Variants in PSMD9 observed in about 807,000 individuals in gnomAD.
The protein encoded by PSMD9 is proteasome 26S subunit, non-ATPase 9, also known as 26S proteasome non-ATPase regulatory subunit 9.
In PSMD9, 26 loss-of-function variants were observed where a neutral mutation model predicts 25.9. The ratio of observed to expected loss-of-function variants is 1.00; its 90% CI spans 0.73 to 1.39. The LOEUF (loss-of-function observed/expected upper bound fraction) is 1.39. Ranked by LOEUF, PSMD9 falls within the 40% of genes most tolerant of loss-of-function variation. The pLI, the probability that PSMD9 is intolerant of heterozygous loss-of-function variation, is 0.00. For synonymous variants in PSMD9, 110 were observed against 114.5 expected (o/e 0.96, Z 0.25); for missense variants, 303 against 299.3 (o/e 1.01, Z -0.09).
chr12:121,907,830 A>C (rs765888869), intron 4 of PSMD9, among the ~76,000 whole-genome samples: 5 of 152,200 alleles, frequency 3.3e-5, no homozygotes, highest in Non-Finnish European at 7.3e-5. Flanking sequence ...ACTTGAGGCC[A>C]GGAGTTTGAG....
intron 4 of PSMD9, chr12:121,911,128 C>A: frequency 2.6e-6 from 1 of 385,304 alleles, no homozygotes; most frequent in Non-Finnish European, 5.3e-6. Context: ...CACCCTCCAC[C>A]TCCCAGGTTT....
chr12:121,916,368 A>G lies in PSMD9; in HGVS notation c.*57A>G. 2 of 1,587,222 alleles carry G rather than the reference A, an allele frequency of 1.3e-6. No individual in the cohort carries two copies. The highest frequency in any genetic ancestry group is 1.1e-5 in the South Asian group (1 of 90,570). ...CTTCCCTTGCCCTGGACTTGGGTCT[A>G]GGGATTTCCAACTTGTCTTCTCTCC... On this transcript the variant is annotated 3_prime_UTR_variant, in exon 6 of 6. Coordinates refer to ENST00000541212, the MANE Select transcript of PSMD9 (RefSeq NM_002813.7).
At chr12:121,893,637 C>A (rs757979759) in intron 1 of PSMD9, among the ~76,000 whole-genome samples, 1 of 152,146 alleles carries the variant, frequency 6.6e-6, no homozygotes, top group Non-Finnish European at 1.5e-5. Context: ...CGGTCCTTGG[C>A]CTACAGCTGT....
chr12:121,892,358 G>T (rs1392806118), intron 1 of PSMD9, among the ~76,000 whole-genome samples: 1 of 151,984 alleles, frequency 6.6e-6, no homozygotes, highest in Non-Finnish European at 1.5e-5. Context: ...GAGGCCAGGG[G>T]TTTGAGACTA....
Position 121,888,938 on chromosome 12 carries a change from C to T in PSMD9, c.82C>T (p.Arg28Trp), listed in dbSNP as rs1250877220. Residue 28 changes from arginine to tryptophan, a missense_variant, in exon 1 of 6, where the codon CGG becomes TGG. Coordinates refer to ENST00000541212, the MANE Select transcript of PSMD9 (RefSeq NM_002813.7). ...VTVSDVQELM[R>W]RKEEIEAQIK... Reference sequence around the variant, plus strand: ...TGTCAGCGACGTCCAGGAGCTGATGCGGCGCAAGGAGGAGATAGAAGCGCA... The same window carrying T: ...TGTCAGCGACGTCCAGGAGCTGATGTGGCGCAAGGAGGAGATAGAAGCGCA... 4 of 1,592,876 alleles carry T rather than the reference C, an allele frequency of 2.5e-6. No individual in the cohort carries two copies. Among genetic ancestry groups the T allele is most frequent in the Admixed American group, 3.6e-5 (2 of 55,564 alleles).
chr12:121,903,342 G>A (rs929933085), intron 4 of PSMD9, among the ~76,000 whole-genome samples: 4 of 152,152 alleles, frequency 2.6e-5, no homozygotes, highest in African/African-American at 7.2e-5. Context: ...GGGAGCTCTT[G>A]TATAAGGGCA....
At chr12:121,899,966 A>C (rs1879343964) in intron 3 of PSMD9, 121 bp downstream of exon 3, 1 of 1,166,204 alleles carries the variant, frequency 8.6e-7, no homozygotes, top group Admixed American at 2.1e-5. Flanking sequence ...TCAGTTACTC[A>C]TTTAACAAAC....
rs1475674993 is a variant in PSMD9 at position 121,888,841 on chromosome 12, C to T, written c.-16C>T. 5 of 1,597,064 alleles carry T rather than the reference C, an allele frequency of 3.1e-6. No homozygotes were observed. The highest frequency in any genetic ancestry group is 4.3e-6 in the Non-Finnish European group (5 of 1,172,994). On this transcript the variant is annotated 5_prime_UTR_variant, in exon 1 of 6. Transcript: ENST00000541212. ...CCCGGGAGCCGGGTCTCTGGAGTCG[C>T]GGCCCGGGGTTCACGATGTCCGACG...
chr12:121,892,634 G>A (rs1168008034), intron 1 of PSMD9, among the ~76,000 whole-genome samples: 2 of 152,066 alleles, frequency 1.3e-5, no homozygotes, highest in Admixed American at 1.3e-4. Context: ...CCAGGAGGCG[G>A]AGCTTGCAGT....
At chr12:121,900,034 G>A in intron 3 of PSMD9, 189 bp downstream of exon 3, 1 of 669,252 alleles carries the variant, frequency 1.5e-6, no homozygotes, top group East Asian at 2.8e-5. Flanking sequence ...TTTAGAGAGG[G>A]GTCAGCCCCG....
chr12:121,914,339 CAGG>C (rs1879829580), intron 4 of PSMD9: 1 of 151,670 alleles, frequency 6.6e-6, no homozygotes, highest in African/African-American at 2.4e-5. Context: ...CACCTGAGAT[CAGG>C]AGTTCAAGAC....
chr12:121,896,123 C>CAA (rs1203600148), intron 2 of PSMD9, among the ~76,000 whole-genome samples: 6 of 94,736 alleles, frequency 6.3e-5, no homozygotes, highest in African/African-American at 4.0e-5. Flanking sequence ...GAGACCGTCT[C>CAA]AAAAAAAAAA....
At chr12:121,891,619 A>T (rs1479417530) in intron 1 of PSMD9, among the ~76,000 whole-genome samples, 3 of 150,844 alleles carry the variant, frequency 2.0e-5, no homozygotes, top group African/African-American at 7.3e-5. Flanking sequence ...GAAAAAAAAA[A>T]AAAAGACTGG....
intron 4 of PSMD9, among the ~76,000 whole-genome samples, chr12:121,906,994 C>T (rs1326812475): frequency 6.6e-6 from 1 of 150,686 alleles, no homozygotes; most frequent in Non-Finnish European, 1.5e-5. Context: ...AAAAAACTCA[C>T]AGTGTTCTAT....
intron 3 of PSMD9, chr12:121,901,965 G>A (rs1344544148): frequency 6.6e-6 from 1 of 152,160 alleles, no homozygotes; most frequent in African/African-American, 2.4e-5. Context: ...ACAGGCGTGA[G>A]CCACTGTGCC....
chr12:121,891,901 C>CAAAAAAAAAAA (rs33982940), intron 1 of PSMD9, among the ~76,000 whole-genome samples: 1 of 74,316 alleles, frequency 1.3e-5, no homozygotes, highest in Non-Finnish European at 2.4e-5. Context: ...GATTCCATCT[C>CAAAAAAAAAAA]AAAAAAAAAA....
chr12:121,900,456 C>T (rs940382258), intron 3 of PSMD9, among the ~76,000 whole-genome samples: 6 of 150,002 alleles, frequency 4.0e-5, no homozygotes, highest in African/African-American at 1.2e-4. Context: ...GTTGGGAGGC[C>T]GAGGCCAGTG....
chr12:121,889,940 C>T (rs1181551702), intron 1 of PSMD9, among the ~76,000 whole-genome samples: 2 of 151,830 alleles, frequency 1.3e-5, no homozygotes, highest in African/African-American at 2.4e-5. Context: ...TTGTCTGAGA[C>T]GGAGTCTTGC....
intron 1 of PSMD9, 87 bp from the exon 2 acceptor site, chr12:121,894,652 A>T: frequency 8.8e-7 from 1 of 1,133,568 alleles, no homozygotes; most frequent in Non-Finnish European, 1.3e-6. Flanking sequence ...CACCTTTATT[A>T]TGACTTCAGA....
Sources: allele counts gnomAD v4.1 joint callset (sites outside exome capture counted in the v4.1 genomes callset), GRCh38; gene constraint gnomAD v4.1.1; transcripts MANE v1.5; gene names NCBI Gene and HGNC (gene_info 2026-07-23, HGNC 2026-07-21).